Variants in CTNNA3 observed in about 807,000 individuals in gnomAD.
CTNNA3 encodes the protein catenin alpha 3.
A neutral mutation model predicts 95.7 loss-of-function variants in CTNNA3; 76 were observed. That is an observed-to-expected ratio of 0.79 (90% CI 0.66 to 0.96). CTNNA3 has a LOEUF of 0.96. Among genes scored for constraint, CTNNA3 ranks in the 40% least tolerant of loss-of-function variants. The pLI is 0.00. For synonymous variants in CTNNA3, 431 were observed against 374.4 expected, an observed-to-expected ratio of 1.15 and a Z score of -1.74; for missense variants, 1,191 against 1,089.8, an observed-to-expected ratio of 1.09 and a Z score of -1.31.
intron 3 of CTNNA3, among the ~76,000 whole-genome samples, chr10:67,566,072 T>C (rs866676659): frequency 3.3e-4 from 34 of 102,134 alleles, no homozygotes; most frequent in Non-Finnish European, 4.9e-4. Flanking sequence ...TATATATATA[T>C]ACAAAACCTA....
At chr10:66,968,891 C>A (rs1293640314) in intron 7 of CTNNA3, among the ~76,000 whole-genome samples, 1 of 151,930 alleles carries the variant, frequency 6.6e-6, no homozygotes, top group Non-Finnish European at 1.5e-5. Context: ...GTGGCATGTG[C>A]CTGTAATCCT....
intron 9 of CTNNA3, among the ~76,000 whole-genome samples, chr10:66,688,768 G>A (rs561230955): frequency 9.9e-5 from 15 of 151,800 alleles, no homozygotes; most frequent in East Asian, 1.9e-4. Context: ...TCAGGAGATC[G>A]AGACCATCCT....
In CTNNA3 at chr10:66,849,662, G is replaced by A. The variant is rs560408466; in HGVS notation, c.1048-74138C>T. On this transcript the variant is annotated intron_variant, in intron 7 of 17. Coordinates refer to ENST00000433211, the MANE Select transcript of CTNNA3 (RefSeq NM_013266.4). ...ACAGAGAATAAGGCCATGTAAAGTC[G>A]GAGGCAGAGCCGGAAGCCACCAGAA... Among the ~76,000 whole-genome samples, 15 of 152,152 alleles carry A rather than the reference G, an allele frequency of 9.9e-5. No homozygotes were observed. In the South Asian group the frequency reaches 2.7e-3, roughly 27 times the overall value.
At chr10:66,745,901 C>A (rs1838850106) in intron 9 of CTNNA3, among the ~76,000 whole-genome samples, 1 of 152,074 alleles carries the variant, frequency 6.6e-6, no homozygotes, top group Admixed American at 6.6e-5. Context: ...GCCCGGCCCA[C>A]AGACAGCCAT....
chr10:66,682,851 G>C (rs369423351), intron 9 of CTNNA3, among the ~76,000 whole-genome samples: 4 of 151,898 alleles, frequency 2.6e-5, no homozygotes, highest in Non-Finnish European at 5.9e-5. Context: ...TAAATTGAGG[G>C]CCAACAAGCA....
chr10:66,360,666 C>CTTT (rs1564896342), intron 12 of CTNNA3, among the ~76,000 whole-genome samples: 582 of 33,854 alleles, frequency 0.017, 9 homozygotes, highest in African/African-American at 0.041. Flanking sequence ...TTTCTTCCTT[C>CTTT]CTTCCTTCCT....
intron 5 of CTNNA3, among the ~76,000 whole-genome samples, chr10:67,305,598 AAAAT>A (rs1190597503): frequency 6.6e-6 from 1 of 152,010 alleles, no homozygotes; most frequent in Non-Finnish European, 1.5e-5. Context: ...GAATTGTAAA[AAAAT>A]AAATAAATAA....
At chr10:65,958,178 G>A (rs2077770697) in intron 17 of CTNNA3, among the ~76,000 whole-genome samples, 1 of 152,052 alleles carries the variant, frequency 6.6e-6, no homozygotes, top group South Asian at 2.1e-4. Context: ...GATTGAACCA[G>A]CTGCTGAAGC....
At chr10:67,645,624 T>C (rs993798993) in intron 2 of CTNNA3, among the ~76,000 whole-genome samples, 4 of 152,232 alleles carry the variant, frequency 2.6e-5, no homozygotes, top group Admixed American at 1.3e-4. Context: ...ATTCATATCT[T>C]GGCCATTAAC....
chr10:66,624,739 C>T (rs1348193393), intron 9 of CTNNA3, among the ~76,000 whole-genome samples: 1 of 152,156 alleles, frequency 6.6e-6, no homozygotes, highest in Non-Finnish European at 1.5e-5. Flanking sequence ...TAACCCCACT[C>T]TCTAATCTTA....
At chr10:66,294,090 C>A (rs532678117) in intron 12 of CTNNA3, among the ~76,000 whole-genome samples, 1 of 152,158 alleles carries the variant, frequency 6.6e-6, no homozygotes, top group Non-Finnish European at 1.5e-5. Context: ...TGATTGTTAA[C>A]GAGAATCTTT....
intron 5 of CTNNA3, among the ~76,000 whole-genome samples, chr10:67,461,489 C>G (rs1024022940): frequency 6.6e-6 from 1 of 152,038 alleles, no homozygotes; most frequent in Non-Finnish European, 1.5e-5. Flanking sequence ...CAATATACAA[C>G]CTATATTTTT....
chr10:66,346,950 C>T (rs1180867132), intron 12 of CTNNA3, among the ~76,000 whole-genome samples: 2 of 151,550 alleles, frequency 1.3e-5, no homozygotes, highest in African/African-American at 4.9e-5. Context: ...GGTCTGAGAT[C>T]TGCAGATGTG....
intron 7 of CTNNA3, among the ~76,000 whole-genome samples, chr10:67,104,166 T>C (rs1205402204): frequency 6.6e-6 from 1 of 151,744 alleles, no homozygotes; most frequent in African/African-American, 2.4e-5. Context: ...CCAAAAACTA[T>C]ATGGATGAAT....
intron 11 of CTNNA3, among the ~76,000 whole-genome samples, chr10:66,466,339 T>TAC (rs143601111): frequency 0.17 from 24,167 of 141,614 alleles, 2,070 homozygotes; most frequent in African/African-American, 0.23. Context: ...CACCCACCTA[T>TAC]ACACACACAC....
intron 13 of CTNNA3, among the ~76,000 whole-genome samples, chr10:66,226,237 G>GAGAT (rs1298980958): frequency 1.3e-5 from 2 of 152,082 alleles, no homozygotes; most frequent in African/African-American, 4.8e-5. Flanking sequence ...TATATAGTGA[G>GAGAT]AGATAGAGAT....
At chr10:66,398,290 G>C (rs2092994426) in intron 11 of CTNNA3, among the ~76,000 whole-genome samples, 1 of 151,834 alleles carries the variant, frequency 6.6e-6, no homozygotes, top group South Asian at 2.1e-4. Context: ...TTAAAGATAG[G>C]AACACCAATA....
chr10:66,206,025 T>G (rs952385826), intron 13 of CTNNA3, among the ~76,000 whole-genome samples: 2 of 151,950 alleles, frequency 1.3e-5, no homozygotes, highest in South Asian at 4.1e-4. Context: ...ACCCTCTAAT[T>G]TGACCAAAAA....
chr10:67,705,587 A>G (rs1396450336), intron 1 of CTNNA3, among the ~76,000 whole-genome samples: 1 of 136,814 alleles, frequency 7.3e-6, no homozygotes, highest in African/African-American at 2.7e-5. Context: ...ATGAGAACAC[A>G]TGGACACAGG....
Sources: allele counts gnomAD v4.1 joint callset (sites outside exome capture counted in the v4.1 genomes callset), GRCh38; gene constraint gnomAD v4.1.1; transcripts MANE v1.5; gene names NCBI Gene and HGNC (gene_info 2026-07-23, HGNC 2026-07-21).